Variants in GABRR2 observed in about 807,000 individuals in gnomAD.
GABRR2 encodes gamma-aminobutyric acid receptor subunit rho-2.
Under a neutral mutation model 47.0 loss-of-function variants are expected in GABRR2, and 36 were observed. The observed-to-expected ratio is 0.77, with a 90% CI of 0.59 to 1.01. The LOEUF is 1.01. GABRR2 is among the 50% of genes least tolerant of loss of function. GABRR2 has a pLI of 0.00. For missense variants in GABRR2, 587 were observed against 594.6 expected (o/e 0.99, Z 0.13); for synonymous variants, 204 against 227.5 (o/e 0.90, Z 0.93).
chr6:89,265,474 G>A, intron 7 of GABRR2, 139 bp downstream of exon 7: 1 of 915,960 alleles, frequency 1.1e-6, no homozygotes, highest in African/African-American at 1.7e-5. Flanking sequence ...GATGGTAAAG[G>A]CAAGAAACAT....
chr6:89,301,781 G>A, intron 1 of GABRR2: 1 of 776,812 alleles, frequency 1.3e-6, no homozygotes, highest in South Asian at 1.4e-5. Flanking sequence ...GACACGCCCA[G>A]TATGAGGGAG....
intron 1 of GABRR2, chr6:89,302,800 C>T: frequency 6.9e-7 from 1 of 1,439,444 alleles, no homozygotes; most frequent in Admixed American, 1.8e-5. Context: ...GAGTGGATCC[C>T]CAACAACATG....
At chr6:89,266,782 C>A (rs906229321) in intron 6 of GABRR2, among the ~76,000 whole-genome samples, 6 of 152,206 alleles carry the variant, frequency 3.9e-5, no homozygotes, top group African/African-American at 1.4e-4. Context: ...TCCATTCCCC[C>A]TCCCATGAGT....
chr6:89,286,095 A>G (rs1395863327), intron 2 of GABRR2, among the ~76,000 whole-genome samples: 1 of 152,098 alleles, frequency 6.6e-6, no homozygotes, highest in East Asian at 1.9e-4. Flanking sequence ...CCCGAATCCT[A>G]TGGCCTAAAT....
At chr6:89,301,835 C>A (rs1314756459) in intron 1 of GABRR2, 2 of 1,074,122 alleles carry the variant, frequency 1.9e-6, no homozygotes, top group African/African-American at 3.2e-5. Flanking sequence ...TAGATCGGGG[C>A]CAAGTTCTGG....
intron 2 of GABRR2, among the ~76,000 whole-genome samples, chr6:89,296,426 C>T (rs1256134009): frequency 6.6e-6 from 1 of 152,212 alleles, no homozygotes; most frequent in Non-Finnish European, 1.5e-5. Context: ...TCTGGGCATC[C>T]AGGAAAGCCC....
At chr6:89,283,211 T>C (rs1022813398) in intron 2 of GABRR2, among the ~76,000 whole-genome samples, 16 of 151,930 alleles carry the variant, frequency 1.1e-4, no homozygotes, top group African/African-American at 3.9e-4. Flanking sequence ...TTTTTGCTTG[T>C]TGTAAGGAGA....
chr6:89,292,346 T>TTATATATA (rs57703020), intron 2 of GABRR2, among the ~76,000 whole-genome samples: 8 of 13,834 alleles, frequency 5.8e-4, no homozygotes, highest in Non-Finnish European at 8.3e-4. Flanking sequence ...AAAAAAAATT[T>TTATATATA]TATATATATA....
chr6:89,261,021 G>T (rs537158083), intron 8 of GABRR2, among the ~76,000 whole-genome samples: 1 of 152,194 alleles, frequency 6.6e-6, no homozygotes, highest in African/African-American at 2.4e-5. Context: ...GACAGAGGGG[G>T]AGACTTAGCG....
At chr6:89,298,678 A>G (rs1355042283) in intron 2 of GABRR2, among the ~76,000 whole-genome samples, 7 of 152,204 alleles carry the variant, frequency 4.6e-5, no homozygotes, top group African/African-American at 1.7e-4. Flanking sequence ...ACATTCTGCT[A>G]TTCTTACCCC....
At chr6:89,282,073 A>G (rs1352973242) in intron 2 of GABRR2, among the ~76,000 whole-genome samples, 1 of 152,066 alleles carries the variant, frequency 6.6e-6, no homozygotes, top group Non-Finnish European at 1.5e-5. Context: ...CTCCTTCCTC[A>G]TACTCAATGT....
chr6:89,289,865 G>A (rs1774404988), intron 2 of GABRR2, among the ~76,000 whole-genome samples: 1 of 152,240 alleles, frequency 6.6e-6, no homozygotes, highest in Admixed American at 6.5e-5. Context: ...TTTGGCTTCT[G>A]GTGAGGGCCT....
At chr6:89,307,719 G>A (rs912098528) in intron 1 of GABRR2, among the ~76,000 whole-genome samples, 2 of 151,986 alleles carry the variant, frequency 1.3e-5, no homozygotes, top group African/African-American at 4.8e-5. Flanking sequence ...GCATATTGAA[G>A]GTTTTTAGAA....
chr6:89,285,015 C>A (rs1182712918), intron 2 of GABRR2, among the ~76,000 whole-genome samples: 1 of 152,206 alleles, frequency 6.6e-6, no homozygotes, highest in Non-Finnish European at 1.5e-5. Context: ...CCCCGTATCC[C>A]TCTCCTCTGT....
intron 6 of GABRR2, among the ~76,000 whole-genome samples, chr6:89,266,542 A>G (rs974550581): frequency 6.6e-6 from 1 of 152,208 alleles, no homozygotes; most frequent in Non-Finnish European, 1.5e-5. Flanking sequence ...ACATGATTCT[A>G]AAGTCTGACA....
chr6:89,295,516 TCTGGATATTAGCC>T (rs1217284539), intron 2 of GABRR2, among the ~76,000 whole-genome samples: 1 of 152,226 alleles, frequency 6.6e-6, no homozygotes, highest in East Asian at 1.9e-4. Flanking sequence ...CATTGTAGAT[TCTGGATATTAGCC>T]CTGTGTCAGA....
chr6:89,264,253 G>A (rs1435115139), intron 8 of GABRR2, among the ~76,000 whole-genome samples, 159 bp downstream of exon 8: 2 of 151,940 alleles, frequency 1.3e-5, no homozygotes, highest in Non-Finnish European at 2.9e-5. Flanking sequence ...GAATCCTTTG[G>A]GGTAGAAGCC....
intron 2 of GABRR2, among the ~76,000 whole-genome samples, chr6:89,286,867 G>T (rs1369251593): frequency 1.3e-5 from 2 of 152,120 alleles, no homozygotes; most frequent in African/African-American, 4.8e-5. Context: ...AGGGTCAGAG[G>T]TGTCCCCTCC....
At chr6:89,298,390 C>A (rs1218483609) in intron 2 of GABRR2, among the ~76,000 whole-genome samples, 1 of 152,152 alleles carries the variant, frequency 6.6e-6, no homozygotes, top group Non-Finnish European at 1.5e-5. Flanking sequence ...CATACATTAT[C>A]TTGTTTAATC....
Sources: allele counts gnomAD v4.1 joint callset (sites outside exome capture counted in the v4.1 genomes callset), GRCh38; gene constraint gnomAD v4.1.1; transcripts MANE v1.5; gene names NCBI Gene and HGNC (gene_info 2026-07-23, HGNC 2026-07-21).